Variants in RALGAPA1 observed in about 807,000 individuals in gnomAD.
RALGAPA1 encodes the protein ral GTPase-activating protein subunit alpha-1.
Under a neutral mutation model 269.6 loss-of-function variants are expected in RALGAPA1, and 52 were observed. The observed-to-expected ratio is 0.19, with a 90% CI of 0.15 to 0.24. The LOEUF is 0.24. Ranked by LOEUF, RALGAPA1 falls within the 10% of genes least tolerant of loss-of-function variation. The probability of loss-of-function intolerance (pLI) is 1.00; values close to 1 mark genes in which losing one functional copy is unlikely to be tolerated. For missense variants in RALGAPA1, 1,917 were observed against 3,013.9 expected (o/e 0.64, Z 8.52); for synonymous variants, 817 against 1,008.3 (o/e 0.81, Z 3.60).
In RALGAPA1 at chr14:35,722,671, A is replaced by T. The variant is rs111666980; in HGVS notation, c.2104+356T>A. Among the ~76,000 whole-genome samples, 69 of 151,998 alleles carry T rather than the reference A, an allele frequency of 4.5e-4. 2 individuals carry two copies. The highest frequency in any genetic ancestry group is 1.4e-3 in the African/African-American group (60 of 41,464). ...AGGATTTTAAAAACATATATTAATG[A>T]TATAATCATTAGGCTACTGCCCCAC... On this transcript the variant is annotated intron_variant, in intron 15 of 41. Transcript: ENST00000680220.
At chr14:35,742,961 C>A (rs2071705995) in intron 10 of RALGAPA1, among the ~76,000 whole-genome samples, 1 of 152,124 alleles carries the variant, frequency 6.6e-6, no homozygotes, top group Non-Finnish European at 1.5e-5. Context: ...AAGACAGGAA[C>A]CCAGTCCTGG....
rs753739601 is a variant in RALGAPA1 at position 35,807,262 on chromosome 14, T to C, written c.106+1468A>G. On this transcript the variant is annotated intron_variant, in intron 1 of 41. Transcript: ENST00000680220. ...GAATCCCTCGCCTGCATTCACACAT[T>C]AACTTACTGTGTCCTATTCTCGGCT... is the stretch of plus-strand genomic sequence containing the variant. Among the ~76,000 whole-genome samples, 71 of 152,192 alleles carry C rather than the reference T, an allele frequency of 4.7e-4. 2 individuals carry two copies. The highest frequency in any genetic ancestry group is 1.8e-3 in the Admixed American group (27 of 15,268).
In RALGAPA1 at chr14:35,672,857, A is replaced by T. The variant is rs767516966; in HGVS notation, c.5073+10T>A. 6.6e-7 allele frequency: 1 copy of T among 1,518,998 alleles called. No individual in the cohort carries two copies. The highest frequency in any genetic ancestry group is 8.8e-7 in the Non-Finnish European group (1 of 1,130,288). 94.1% of individuals were successfully genotyped at this position (1,518,998 alleles called of 1,614,324 possible). A position where few individuals can be genotyped will look rare whatever the true frequency, so the allele number is the denominator to read the frequency against. ...ACTACTTCTTAGATGATACATATAT[A>T]TATAGTTACCTGGTCAATATGAAGT... On this transcript the variant is annotated intron_variant, in intron 25 of 41. Transcript: ENST00000680220.
intron 16 of RALGAPA1, among the ~76,000 whole-genome samples, chr14:35,706,226 C>T (rs1461665973): frequency 6.6e-6 from 1 of 152,124 alleles, no homozygotes; most frequent in Non-Finnish European, 1.5e-5. Context: ...CCAAGGTGTC[C>T]TAGACTTTCT....
At position 35,627,219 on chromosome 14, in the gene RALGAPA1, T is replaced by C. The variant is rs2061050510; in HGVS notation, c.6728A>G (p.Glu2243Gly). 1 of 1,601,500 alleles carries C rather than the reference T, an allele frequency of 6.2e-7. No homozygotes were observed. Among genetic ancestry groups the C allele is most frequent in the Non-Finnish European group, 8.5e-7 (1 of 1,177,036 alleles). ...KQHTEEKEFV[E>G]KHFNDLNMKA... The stretch of plus-strand genomic sequence containing the variant: ...CATGTTTAAGTCATTAAAGTGCTTC[T>C]CAACAAATTCTTTTTCTTCTGTATG... The change falls in exon 34 of 42, where the codon GAG (glutamate) becomes GGG (glycine). Residue 2243 changes from glutamate to glycine, a missense_variant. Physicochemically the swap from Glu to Gly is moderately conservative, Grantham distance 98. Around this residue, in one of 11 missense-constraint regions of RALGAPA1, gnomAD observed 132 missense variants for 271.2 expected, o/e 0.49. Transcript: ENST00000680220.
chr14:35,721,811 A>T lies in RALGAPA1; in HGVS notation c.2143T>A (p.Ser715Thr). The T allele has an allele frequency of 6.2e-7, 1 of 1,613,590 alleles. No homozygotes were observed. The highest frequency in any genetic ancestry group is 8.5e-7 in the Non-Finnish European group (1 of 1,179,554). ...TCACGACTCCATCCTCTAGAAAATGACTTGTCAACTGAAACTTTCTGAAAT... is the reference window on the plus strand; with the variant it reads ...TCACGACTCCATCCTCTAGAAAATGTCTTGTCAACTGAAACTTTCTGAAAT... ...HEFQKVSVDK[S>T]FSRGWSRDQP... Residue 715 changes from serine to threonine, a missense_variant, in exon 16 of 42, where the codon TCA becomes ACA. By Grantham distance (58) the Ser-to-Thr change is moderately conservative. This residue lies in a region of RALGAPA1 where 125 missense variants were observed against 155.7 expected (regional missense o/e 0.80). Coordinates refer to ENST00000680220, the MANE Select transcript of RALGAPA1 (RefSeq NM_001346249.2).
intron 8 of RALGAPA1, among the ~76,000 whole-genome samples, chr14:35,751,821 AC>A (rs1250250814): frequency 1.1e-3 from 174 of 151,774 alleles, no homozygotes; most frequent in Admixed American, 2.3e-3. Flanking sequence ...ACAAAAAAAA[AC>A]AAAAAAAGAA....
chr14:35,769,065 T>TATATATATATACACAC (rs1237249622), intron 4 of RALGAPA1, among the ~76,000 whole-genome samples: 2 of 77,784 alleles, frequency 2.6e-5, no homozygotes, highest in Admixed American at 3.4e-4. Context: ...TATATATATA[T>TATATATATATACACAC]ACACACACAT....
intron 26 of RALGAPA1, among the ~76,000 whole-genome samples, chr14:35,665,594 G>C (rs929485948): frequency 1.3e-5 from 2 of 152,108 alleles, no homozygotes; most frequent in African/African-American, 4.8e-5. Flanking sequence ...AGAGGCAATG[G>C]TGTAATACTC....
At chr14:35,752,897 A>G (rs1378843743) in intron 7 of RALGAPA1, among the ~76,000 whole-genome samples, 4 of 152,204 alleles carry the variant, frequency 2.6e-5, no homozygotes, top group South Asian at 4.1e-4. Context: ...ATTGACAGGT[A>G]AGAGTTATAA....
chr14:35,691,163 C>T (rs965010987), intron 17 of RALGAPA1, among the ~76,000 whole-genome samples: 32 of 151,150 alleles, frequency 2.1e-4, no homozygotes, highest in African/African-American at 6.6e-4. Flanking sequence ...AAAATTGAAG[C>T]CCAGAGAGGT....
chr14:35,760,739 T>C lies in RALGAPA1; in HGVS notation c.547+90A>G, dbSNP rs537756786. 18 of 881,220 alleles carry C rather than the reference T, an allele frequency of 2.0e-5. No homozygotes were observed. The African/African-American group carries it at 2.9e-4, about 14-fold the overall frequency. 54.6% of individuals were successfully genotyped at this position (881,220 alleles called of 1,614,324 possible). On this transcript the variant is annotated intron_variant, in intron 6 of 41. Coordinates refer to ENST00000680220, the MANE Select transcript of RALGAPA1 (RefSeq NM_001346249.2). ...TAAAGCATTGCCTTGGATTACCCAGTTAATGAATGCACAGACATTTGAAAA... is the reference window on the plus strand; with the variant it reads ...TAAAGCATTGCCTTGGATTACCCAGCTAATGAATGCACAGACATTTGAAAA...
At chr14:35,729,156 G>A (rs1027878758) in intron 12 of RALGAPA1, among the ~76,000 whole-genome samples, 1 of 151,994 alleles carries the variant, frequency 6.6e-6, no homozygotes, top group African/African-American at 2.4e-5. Context: ...AGAATTTTCT[G>A]AATGAGTTGT....
chr14:35,651,655 T>C, intron 31 of RALGAPA1, 150 bp downstream of exon 31: 1 of 580,164 alleles, frequency 1.7e-6, no homozygotes, highest in Non-Finnish European at 2.6e-6. Context: ...AATTTAGTTA[T>C]ACTTAAATAA....
At chr14:35,765,345 A>T (rs1416453567) in intron 4 of RALGAPA1, among the ~76,000 whole-genome samples, 1 of 152,048 alleles carries the variant, frequency 6.6e-6, no homozygotes, top group Non-Finnish European at 1.5e-5. Flanking sequence ...AAACTTTAAG[A>T]TATATTTGTT....
intron 10 of RALGAPA1, among the ~76,000 whole-genome samples, chr14:35,745,853 C>T (rs966750703): frequency 1.3e-5 from 2 of 150,594 alleles, no homozygotes; most frequent in South Asian, 2.1e-4. Context: ...GGGAGGCCGA[C>T]GAGAGAGGAT....
intron 22 of RALGAPA1, chr14:35,677,499 A>G (rs2065047968): frequency 1.3e-5 from 2 of 153,712 alleles, no homozygotes; most frequent in Admixed American, 1.3e-4. Flanking sequence ...TTTTAAATTA[A>G]ATTTAGTTGA....
At chr14:35,575,715 T>G (rs977867069) in intron 37 of RALGAPA1, among the ~76,000 whole-genome samples, 2 of 152,080 alleles carry the variant, frequency 1.3e-5, no homozygotes, top group Admixed American at 6.5e-5. Context: ...TTGCCTCAGC[T>G]TCCCAAGTAG....
At chr14:35,725,601 T>C (rs779805293) in intron 13 of RALGAPA1, among the ~76,000 whole-genome samples, 25 of 152,066 alleles carry the variant, frequency 1.6e-4, no homozygotes, top group Non-Finnish European at 3.4e-4. Flanking sequence ...GTTGAGTAAC[T>C]ACATATTGAG....
Sources: allele counts gnomAD v4.1 joint callset (sites outside exome capture counted in the v4.1 genomes callset), GRCh38; gene constraint gnomAD v4.1.1; regional missense constraint gnomAD v4.1.1; transcripts MANE v1.5; gene names NCBI Gene and HGNC (gene_info 2026-07-23, HGNC 2026-07-21).